PHF12: variants seen among roughly 807,000 people sequenced by gnomAD.
PHF12 encodes PHD finger protein 12.
PHF12 carries 6 observed loss-of-function variants against 99.8 expected under a neutral mutation model. The ratio of observed to expected loss-of-function variants is 0.06; its 90% CI spans 0.03 to 0.12. The LOEUF is 0.12. Ranked by LOEUF, PHF12 falls within the 10% of genes least tolerant of loss-of-function variation. The probability of loss-of-function intolerance (pLI) is 1.00; values close to 1 mark genes in which losing one functional copy is unlikely to be tolerated. For missense variants in PHF12, 954 were observed against 1,300.1 expected (o/e 0.73, Z 4.09); for synonymous variants, 480 against 514.9 (o/e 0.93, Z 0.92).
At chr17:28,945,094 A>C (rs2040698039) in intron 2 of PHF12, 1 of 152,174 alleles carries the variant, frequency 6.6e-6, no homozygotes, top group African/African-American at 2.4e-5. Flanking sequence ...CCCTATTTCT[A>C]CAAAAACATT....
intron 2 of PHF12, among the ~76,000 whole-genome samples, chr17:28,929,130 C>T (rs1367891493): frequency 6.6e-6 from 1 of 151,556 alleles, no homozygotes; most frequent in Non-Finnish European, 1.5e-5. Context: ...ACAAAAACCA[C>T]ATTTATGCTT....
rs1440286143 is a variant in PHF12 at position 28,949,009 on chromosome 17, T to A, written c.248+1056A>T. Among the ~76,000 whole-genome samples, 1 of 152,108 alleles carries A rather than the reference T, an allele frequency of 6.6e-6. No homozygotes were observed. Among genetic ancestry groups the A allele is most frequent in the Non-Finnish European group, 1.5e-5 (1 of 68,018 alleles). ...TAAACTCTTCTTTGCCGGATTGTCC[T>A]GGGCTGAGCCGCTGAGGAGGATCAC... On this transcript the variant is annotated intron_variant, in intron 2 of 14. Coordinates refer to ENST00000332830, the MANE Select transcript of PHF12 (RefSeq NM_001033561.2). This position sits in a 1 kb window ranked among gnomAD's most constrained non-coding sequence, Gnocchi z 4.6.
chr17:28,924,282 C>A lies in PHF12; in HGVS notation c.342G>T (p.Glu114Asp), dbSNP rs200428291. 1 of 1,614,108 alleles carries A rather than the reference C, an allele frequency of 6.2e-7. No homozygotes were observed. The highest frequency in any genetic ancestry group is 8.5e-7 in the Non-Finnish European group (1 of 1,180,052). The change falls in exon 4 of 15, where the codon GAG (glutamate) becomes GAT (aspartate). Residue 114 changes from glutamate to aspartate, a missense_variant. Transcript: ENST00000332830. The part of the protein sequence containing the change: ...VRRKKREQKK[E>D]LGHVNGLVDK... ...CCACCAGTCCATTGACATGACCCAG[C>A]TCCTTTTTCTGCTCTCGTTTCTGTG...
At chr17:28,938,421 G>C (rs2040548515) in intron 2 of PHF12, among the ~76,000 whole-genome samples, 1 of 151,990 alleles carries the variant, frequency 6.6e-6, no homozygotes, top group Non-Finnish European at 1.5e-5. Flanking sequence ...GTAGAGACGG[G>C]GTTTCACCAT....
chr17:28,951,251 G>T lies in PHF12; in HGVS notation c.-291C>A. 3 of 1,251,430 alleles carry T rather than the reference G, an allele frequency of 2.4e-6. No individual in the cohort carries two copies. Among genetic ancestry groups the T allele is most frequent in the Non-Finnish European group, 2.0e-6 (2 of 992,836 alleles). 77.5% of individuals were successfully genotyped at this position (1,251,430 alleles called of 1,614,324 possible). On this transcript the variant is annotated 5_prime_UTR_variant, in exon 1 of 15. Transcript: ENST00000332830. ...GCCTCGGCGGGGCCTAGTCCCACAG[G>T]CTAAAGCCGGCACTGGCGACAGCCG...
At position 28,938,962 on chromosome 17, in the gene PHF12, T is replaced by G. The variant is rs144694996; in HGVS notation, c.248+11103A>C. Among the ~76,000 whole-genome samples, 899 of 152,370 alleles carry G rather than the reference T, an allele frequency of 5.9e-3. 6 individuals carry two copies. The highest frequency in any genetic ancestry group is 7.8e-3 in the Non-Finnish European group (534 of 68,042). ...AATGATCACCCTAAAGGTCTGCATG[T>G]GTACACACAAACGGTGAGCACTCAG... is the stretch of plus-strand genomic sequence containing the variant. On this transcript the variant is annotated intron_variant, in intron 2 of 14. Transcript: ENST00000332830.
chr17:28,907,073 A>T, intron 13 of PHF12, 79 bp from the exon 14 acceptor site: 1 of 1,468,444 alleles, frequency 6.8e-7, no homozygotes, highest in Non-Finnish European at 9.2e-7. Context: ...ACATATGGAG[A>T]AGGCCGTGCT....
chr17:28,916,571 G>A (rs2040066241), intron 7 of PHF12, among the ~76,000 whole-genome samples: 1 of 152,204 alleles, frequency 6.6e-6, no homozygotes, highest in Admixed American at 6.5e-5. Flanking sequence ...TAGCACATAA[G>A]ACTGTGGGAT....
At chr17:28,921,186 T>G (rs2152664679) in intron 5 of PHF12, among the ~76,000 whole-genome samples, 2 of 151,322 alleles carry the variant, frequency 1.3e-5, no homozygotes, top group South Asian at 2.1e-4. Context: ...GCCCGGCCCC[T>G]TGTTTTTGTT....
chr17:28,912,419 A>C (rs376638918), intron 9 of PHF12, 63 bp downstream of exon 9: 13 of 1,519,230 alleles, frequency 8.6e-6, no homozygotes, highest in Admixed American at 2.2e-5. Flanking sequence ...TGCTTTTAGA[A>C]TCTTATTTGC....
chr17:28,950,609 G>A lies in PHF12; in HGVS notation c.66+286C>T. 1.9e-6 allele frequency: 1 copy of A among 532,190 alleles called. No individual in the cohort carries two copies. The highest frequency in any genetic ancestry group is 2.7e-5 in the South Asian group (1 of 37,122). The allele number at this position is 532,190 out of a possible 1,614,324, so 33.0% of individuals were successfully genotyped here. The stretch of plus-strand genomic sequence containing the variant: ...GGACGTGCTGGGGGAAGCACAAAGG[G>A]GCCAACAAGAAGGGGGTGGGGAGGC... On this transcript the variant is annotated intron_variant, in intron 1 of 14. Coordinates refer to ENST00000332830, the MANE Select transcript of PHF12 (RefSeq NM_001033561.2). The surrounding 1 kb of genome is among the most constrained non-coding windows in gnomAD (Gnocchi z 5.7).
intron 2 of PHF12, among the ~76,000 whole-genome samples, chr17:28,940,037 T>C (rs1334299845): frequency 6.6e-6 from 1 of 152,216 alleles, no homozygotes; most frequent in African/African-American, 2.4e-5. Flanking sequence ...TTTTGTCCTG[T>C]CAAGGCTGAG....
At chr17:28,944,858 A>C (rs953884939) in intron 2 of PHF12, 1 of 152,230 alleles carries the variant, frequency 6.6e-6, no homozygotes, top group African/African-American at 2.4e-5. Flanking sequence ...CTAAGCACTT[A>C]CAATGTCAAA....
rs754633563 is a variant in PHF12 at position 28,950,024 on chromosome 17, AG to A, written c.248+40del. 52 of 1,524,578 alleles carry A rather than the reference AG, an allele frequency of 3.4e-5. No homozygotes were observed. Among genetic ancestry groups the A allele is most frequent in the Non-Finnish European group, 4.5e-5 (51 of 1,129,310 alleles). The allele number at this position is 1,524,578 out of a possible 1,614,324, so 94.4% of individuals were successfully genotyped here. On this transcript the variant is annotated intron_variant, in intron 2 of 14. Transcript: ENST00000332830. This position sits in a 1 kb window ranked among gnomAD's most constrained non-coding sequence, Gnocchi z 5.7. Reference sequence around the variant, plus strand: ...GGCCGGGTGAAGGAATGCGCAGAGAAGGGTCCGCCAAGAAGCTCCAAAAGGG... The same window carrying A: ...GGCCGGGTGAAGGAATGCGCAGAGAAGGTCCGCCAAGAAGCTCCAAAAGGG...
intron 3 of PHF12, chr17:28,925,908 G>A (rs1001569897): frequency 2.0e-5 from 3 of 152,180 alleles, no homozygotes; most frequent in South Asian, 4.1e-4. Context: ...ACCTTTTCAG[G>A]TCCAGCTTTT....
At chr17:28,917,176 T>C in intron 7 of PHF12, 109 bp downstream of exon 7, 1 of 1,468,208 alleles carries the variant, frequency 6.8e-7, no homozygotes, top group Non-Finnish European at 9.4e-7. Flanking sequence ...ACCACAAACC[T>C]ATTTCTGGGG....
At chr17:28,913,300 G>A (rs757264278) in intron 8 of PHF12, 23 bp from the exon 9 acceptor site, 6 of 1,580,754 alleles carry the variant, frequency 3.8e-6, no homozygotes, top group Non-Finnish European at 4.3e-6. Flanking sequence ...GAGAGGAGAG[G>A]GGGGTGAGAA....
intron 2 of PHF12, among the ~76,000 whole-genome samples, chr17:28,934,306 C>T (rs2040467012): frequency 6.6e-6 from 1 of 152,106 alleles, no homozygotes; most frequent in South Asian, 2.1e-4. Flanking sequence ...ATGAAGAGCC[C>T]CAAAGTTTGG....
intron 8 of PHF12, 113 bp from the exon 9 acceptor site, chr17:28,913,390 T>G: frequency 6.8e-7 from 1 of 1,481,072 alleles, no homozygotes; most frequent in Non-Finnish European, 8.9e-7. Flanking sequence ...GGTCCCATCA[T>G]GAATGCTCAC....
Sources: allele counts gnomAD v4.1 joint callset (sites outside exome capture counted in the v4.1 genomes callset), GRCh38; gene constraint gnomAD v4.1.1; non-coding constraint Gnocchi (gnomAD v3.1); transcripts MANE v1.5; gene names NCBI Gene and HGNC (gene_info 2026-07-23, HGNC 2026-07-21).